The following CNTN5 variants were observed in gnomAD, a reference collection of about 807,000 sequenced individuals.
CNTN5 encodes the protein contactin-5.
Under a neutral mutation model 129.1 loss-of-function variants are expected in CNTN5, and 77 were observed. That is an observed-to-expected ratio of 0.60 (90% CI 0.50 to 0.72). The LOEUF (loss-of-function observed/expected upper bound fraction) is 0.72. Ranked by LOEUF, CNTN5 falls within the 30% of genes least tolerant of loss-of-function variation. The pLI, the probability that CNTN5 is intolerant of heterozygous loss-of-function variation, is 0.00. For missense variants in CNTN5, 1,478 were observed against 1,328.8 expected (o/e 1.11, Z -1.75); for synonymous variants, 509 against 465.6 (o/e 1.09, Z -1.20).
chr11:99,414,503 A>G (rs1942553930), intron 2 of CNTN5, among the ~76,000 whole-genome samples: 1 of 152,068 alleles, frequency 6.6e-6, no homozygotes. Flanking sequence ...GAATATATAT[A>G]TACATTCTTA....
At chr11:99,743,781 C>A (rs910665873) in intron 3 of CNTN5, among the ~76,000 whole-genome samples, 1 of 152,182 alleles carries the variant, frequency 6.6e-6, no homozygotes, top group Non-Finnish European at 1.5e-5. Context: ...AAAGGCAAGT[C>A]ATTTCAATAG....
chr11:100,253,152 AAC>A (rs1421385845), intron 16 of CNTN5, among the ~76,000 whole-genome samples: 5 of 152,152 alleles, frequency 3.3e-5, no homozygotes, highest in African/African-American at 1.2e-4. Context: ...TGTGTTCCCT[AAC>A]ACATACTTTT....
At chr11:99,736,034 TTTTC>T (rs1473320316) in intron 3 of CNTN5, among the ~76,000 whole-genome samples, 1 of 152,148 alleles carries the variant, frequency 6.6e-6, no homozygotes, top group Admixed American at 6.5e-5. Flanking sequence ...CTCTCTTTCT[TTTTC>T]TTTCTCTTTC....
At chr11:99,512,338 C>T (rs7952681) in intron 2 of CNTN5, among the ~76,000 whole-genome samples, 1 of 152,196 alleles carries the variant, frequency 6.6e-6, no homozygotes, top group East Asian at 1.9e-4. Flanking sequence ...AGGCTATGTC[C>T]CATAAAGCCT....
At chr11:100,281,520 T>A (rs1445248613) in intron 18 of CNTN5, among the ~76,000 whole-genome samples, 1 of 152,196 alleles carries the variant, frequency 6.6e-6, no homozygotes, top group Non-Finnish European at 1.5e-5. Context: ...GATCTTTTCT[T>A]TATCCTTGAG....
rs559910542 is a variant in CNTN5 at position 100,246,511 on chromosome 11, T to C, written c.2006-9249T>C. ...CATAGAAGTTGAAATTCAGTAGCTCTTGGGTACAGCTCATAAAATTTACAT... is the reference window on the plus strand; with the variant it reads ...CATAGAAGTTGAAATTCAGTAGCTCCTGGGTACAGCTCATAAAATTTACAT... On this transcript the variant is annotated intron_variant, in intron 16 of 24. Coordinates refer to ENST00000524871, the MANE Select transcript of CNTN5 (RefSeq NM_014361.4). 1.3e-4 allele frequency among the ~76,000 whole-genome samples: 20 copies of C among 152,268 alleles called. No homozygotes were observed. In the East Asian group the frequency reaches 2.7e-3, roughly 21 times the overall value.
chr11:99,348,423 C>T (rs1192524403), intron 2 of CNTN5, among the ~76,000 whole-genome samples: 1 of 152,190 alleles, frequency 6.6e-6, no homozygotes, highest in Non-Finnish European at 1.5e-5. Context: ...ATATTGATAA[C>T]TCTTCTACTA....
chr11:99,804,786 G>A (rs1946219559), intron 3 of CNTN5, among the ~76,000 whole-genome samples: 7 of 149,682 alleles, frequency 4.7e-5, no homozygotes, highest in Admixed American at 4.7e-4. Context: ...TACAGAATAT[G>A]GTAAAATGAT....
chr11:100,348,187 T>A (rs1952329351), intron 23 of CNTN5, among the ~76,000 whole-genome samples: 1 of 27,388 alleles, frequency 3.7e-5, no homozygotes, highest in South Asian at 2.3e-3. Flanking sequence ...GACTCCTTAC[T>A]GTCAATAACT....
intron 3 of CNTN5, among the ~76,000 whole-genome samples, chr11:99,767,635 A>T (rs998232743): frequency 3.3e-5 from 5 of 151,714 alleles, no homozygotes; most frequent in African/African-American, 9.7e-5. Context: ...ACCAAAAAAA[A>T]AAAAACCCAT....
chr11:100,163,609 T>C (rs1231026968), intron 13 of CNTN5, among the ~76,000 whole-genome samples: 2 of 151,694 alleles, frequency 1.3e-5, no homozygotes, highest in Admixed American at 6.6e-5. Context: ...GGTCCTGAAA[T>C]CAATCAATCA....
At chr11:99,662,724 G>T (rs556446210) in intron 3 of CNTN5, among the ~76,000 whole-genome samples, 2 of 152,116 alleles carry the variant, frequency 1.3e-5, no homozygotes, top group Non-Finnish European at 2.9e-5. Flanking sequence ...CTGTGATCTG[G>T]AAATTTACAA....
At chr11:99,579,335 A>G (rs1221125682) in intron 3 of CNTN5, among the ~76,000 whole-genome samples, 1 of 151,144 alleles carries the variant, frequency 6.6e-6, no homozygotes, top group Non-Finnish European at 1.5e-5. Context: ...TTCCATATGA[A>G]CTTTAAAGTA....
At chr11:99,246,344 A>G (rs1412638213) in intron 1 of CNTN5, among the ~76,000 whole-genome samples, 2 of 152,192 alleles carry the variant, frequency 1.3e-5, no homozygotes, top group African/African-American at 4.8e-5. Context: ...AAGGCAGTGC[A>G]GGCAATGACT....
chr11:100,148,370 A>AAGTT (rs1391056821), intron 13 of CNTN5, among the ~76,000 whole-genome samples: 4 of 152,186 alleles, frequency 2.6e-5, no homozygotes, highest in African/African-American at 4.8e-5. Flanking sequence ...GTGCTGTGAA[A>AAGTT]AGTTTGTATA....
intron 6 of CNTN5, among the ~76,000 whole-genome samples, chr11:99,873,177 A>G (rs951224739): frequency 6.6e-6 from 1 of 152,078 alleles, no homozygotes; most frequent in Non-Finnish European, 1.5e-5. Context: ...CTAACCATAC[A>G]TAACCATGTT....
chr11:99,951,819 A>G (rs752067425), intron 7 of CNTN5, among the ~76,000 whole-genome samples: 2 of 152,188 alleles, frequency 1.3e-5, no homozygotes, highest in Admixed American at 6.5e-5. Flanking sequence ...GAACAAGCCA[A>G]TTTTGATCTT....
chr11:99,174,540 C>T (rs1036515381), intron 1 of CNTN5, among the ~76,000 whole-genome samples: 3 of 152,094 alleles, frequency 2.0e-5, no homozygotes, highest in African/African-American at 4.8e-5. Flanking sequence ...GTTAAAAACT[C>T]TTTATCATAC....
intron 3 of CNTN5, among the ~76,000 whole-genome samples, chr11:99,663,211 G>A (rs1281833762): frequency 1.3e-5 from 2 of 152,170 alleles, no homozygotes; most frequent in Non-Finnish European, 2.9e-5. Flanking sequence ...GCTCATGCCT[G>A]TAATCCCAGC....
Sources: gnomAD v4.1 joint callset for allele counts (sites outside exome capture counted in the v4.1 genomes callset) on GRCh38, gnomAD v4.1.1 for gene constraint, MANE v1.5 for transcripts, NCBI Gene and HGNC (gene_info 2026-07-23, HGNC 2026-07-21) for gene names.